The following PREP variants were observed in gnomAD, a reference collection of about 807,000 sequenced individuals.
PREP encodes the protein prolyl endopeptidase.
A neutral mutation model predicts 87.6 loss-of-function variants in PREP; 29 were observed. The ratio of observed to expected loss-of-function variants is 0.33; its 90% CI spans 0.25 to 0.45. PREP has a LOEUF of 0.45. Among genes scored for constraint, PREP ranks in the 20% least tolerant of loss-of-function variants. The pLI is 1.00. For synonymous variants in PREP, 337 were observed against 328.6 expected, an observed-to-expected ratio of 1.03 and a Z score of -0.28; for missense variants, 695 against 886.5, an observed-to-expected ratio of 0.78 and a Z score of 2.74.
At chr6:105,282,742 T>G (rs1176431047) in intron 12 of PREP, among the ~76,000 whole-genome samples, 160 bp from the exon 13 acceptor site, 3 of 152,248 alleles carry the variant, frequency 2.0e-5, no homozygotes, top group Non-Finnish European at 2.9e-5. Flanking sequence ...TAAGTTCTGT[T>G]ATGCACTGTG....
chr6:105,365,521 A>C (rs979752713), intron 6 of PREP, among the ~76,000 whole-genome samples: 2 of 152,178 alleles, frequency 1.3e-5, no homozygotes, highest in Admixed American at 1.3e-4. Flanking sequence ...GAGGCTTCTG[A>C]GGCGTCACAG....
chr6:105,327,878 C>T (rs949768806), intron 9 of PREP, among the ~76,000 whole-genome samples: 5 of 152,088 alleles, frequency 3.3e-5, no homozygotes, highest in South Asian at 2.1e-4. Flanking sequence ...ATGGCCATGA[C>T]GCTACAAAAA....
Position 105,285,561 on chromosome 6 carries a change from C to G in PREP, c.1474G>C (p.Val492Leu). Residue 492 changes from valine to leucine, a missense_variant, in exon 12 of 15, where the codon GTG (valine) becomes CTG (leucine). Around this residue, in one of 5 missense-constraint regions of PREP, gnomAD observed 517 missense variants for 620.3 expected, o/e 0.83. Coordinates refer to ENST00000652536, the MANE Select transcript of PREP (RefSeq NM_002726.5). ...GCCAGGATACCACCCATGTGTCTCACAAAAATAAGCCTGGAAACACTGAGA... is the reference window on the plus strand; with the variant it reads ...GCCAGGATACCACCCATGTGTCTCAGAAAAATAAGCCTGGAAACACTGAGA... ...PNYSVSRLIF[V>L]RHMGGILAVA... 1 of 1,614,010 alleles carries G rather than the reference C, an allele frequency of 6.2e-7. No homozygotes were observed. Among genetic ancestry groups the G allele is most frequent in the Non-Finnish European group, 8.5e-7 (1 of 1,179,930 alleles).
intron 2 of PREP, among the ~76,000 whole-genome samples, chr6:105,380,583 A>C (rs992037709): frequency 1.3e-5 from 2 of 152,158 alleles, no homozygotes; most frequent in African/African-American, 4.8e-5. Context: ...GGTCTCTAAA[A>C]GGGGCAGGAA....
intron 10 of PREP, among the ~76,000 whole-genome samples, chr6:105,307,035 G>A (rs567514687): frequency 6.6e-6 from 1 of 152,164 alleles, no homozygotes; most frequent in Non-Finnish European, 1.5e-5. Context: ...AAAGCTTTTA[G>A]ACAAGCTGAC....
intron 11 of PREP, among the ~76,000 whole-genome samples, chr6:105,288,130 A>C (rs1447412050): frequency 6.6e-6 from 1 of 152,190 alleles, no homozygotes; most frequent in Non-Finnish European, 1.5e-5. Flanking sequence ...GCAAATGACA[A>C]ACACTGAAGA....
chr6:105,402,413 T>G (rs1182604277), intron 1 of PREP, among the ~76,000 whole-genome samples: 1 of 140,660 alleles, frequency 7.1e-6, no homozygotes, highest in East Asian at 2.0e-4. Context: ...TTTTTAAATG[T>G]GACATCACAC....
At chr6:105,358,791 A>C (rs1452283867) in intron 6 of PREP, among the ~76,000 whole-genome samples, 2 of 152,156 alleles carry the variant, frequency 1.3e-5, no homozygotes, top group African/African-American at 2.4e-5. Context: ...GTCGTCAATG[A>C]AAGGGGGAAG....
intron 2 of PREP, among the ~76,000 whole-genome samples, chr6:105,391,373 C>T (rs2114730336): frequency 6.6e-6 from 1 of 152,246 alleles, no homozygotes; most frequent in East Asian, 1.9e-4. Flanking sequence ...TGGAATGAGA[C>T]TGTCTCAAAA....
At chr6:105,359,599 C>A (rs1175441531) in intron 6 of PREP, among the ~76,000 whole-genome samples, 1 of 152,112 alleles carries the variant, frequency 6.6e-6, no homozygotes, top group African/African-American at 2.4e-5. Context: ...TGCTGGGCTG[C>A]CCTCTAGGGC....
rs753499705 is a variant in PREP, at chr6:105,278,270, G to T, written c.2007C>A (p.Pro669=). 111 of 1,614,118 alleles carry T rather than the reference G, an allele frequency of 6.9e-5. No individual in the cohort carries two copies. Among genetic ancestry groups the T allele is most frequent in the Non-Finnish European group, 9.0e-5 (106 of 1,180,056 alleles). The change falls in exon 15 of 15, where the codon CCC becomes CCA. Residue 669 remains proline (P), a synonymous_variant. Transcript: ENST00000652536. This position sits in a 1 kb window ranked among gnomAD's most constrained non-coding sequence, Gnocchi z 4.2. ...IVGRSRKQSN[P]LLIHVDTKAG... ...CCTTGGTGTCCACGTGGATAAGCAG[G>T]GGGTTGCTTTGCTTCCTGCTGCGGC...
At position 105,326,036 on chromosome 6, in the gene PREP, C is replaced by T. The variant is rs182672676; in HGVS notation, c.1214-2268G>A. 1.4e-3 allele frequency among the ~76,000 whole-genome samples: 216 copies of T among 151,960 alleles called. 2 individuals carry two copies. Among genetic ancestry groups the T allele is most frequent in the African/African-American group, 4.7e-3 (193 of 41,404 alleles). On this transcript the variant is annotated intron_variant, in intron 9 of 14. Transcript: ENST00000652536. ...CTACCAAAACAAGAATCAGGGGATC[C>T]GAAAAGTCACGTATGTAAAAAGGCG...
intron 10 of PREP, among the ~76,000 whole-genome samples, chr6:105,316,240 T>C (rs1203510685): frequency 6.6e-6 from 1 of 152,206 alleles, no homozygotes; most frequent in African/African-American, 2.4e-5. Flanking sequence ...GAGGCCACTG[T>C]AGGGTTATTA....
intron 2 of PREP, among the ~76,000 whole-genome samples, chr6:105,394,359 C>A (rs919818391): frequency 6.6e-6 from 1 of 151,888 alleles, no homozygotes; most frequent in South Asian, 2.1e-4. Context: ...AGACCTGAAC[C>A]GAAATTTGGT....
chr6:105,284,898 C>T (rs371599268), intron 12 of PREP, among the ~76,000 whole-genome samples: 5 of 152,094 alleles, frequency 3.3e-5, no homozygotes, highest in African/African-American at 9.7e-5. Flanking sequence ...AGAATGGAGA[C>T]GGAATAAAAC....
intron 1 of PREP, among the ~76,000 whole-genome samples, chr6:105,402,568 A>G (rs1471979491): frequency 2.0e-5 from 3 of 151,522 alleles, no homozygotes; most frequent in African/African-American, 7.3e-5. Context: ...CACCCATTCT[A>G]CCCGGGCGTC....
chr6:105,346,479 T>C (rs377463809), intron 7 of PREP, among the ~76,000 whole-genome samples: 11 of 152,344 alleles, frequency 7.2e-5, no homozygotes, highest in Admixed American at 2.6e-4. Context: ...AATAAAAATA[T>C]GGTAGGTACT....
At chr6:105,355,851 T>A (rs1381037509) in intron 6 of PREP, among the ~76,000 whole-genome samples, 4 of 152,204 alleles carry the variant, frequency 2.6e-5, no homozygotes, top group Non-Finnish European at 2.9e-5. Context: ...GCATCTAAAC[T>A]GCTATAAACA....
intron 1 of PREP, among the ~76,000 whole-genome samples, chr6:105,400,100 A>G (rs1454117385): frequency 1.3e-5 from 2 of 152,184 alleles, no homozygotes; most frequent in Non-Finnish European, 2.9e-5. Flanking sequence ...CAGGAGCCAC[A>G]ACTTTCCACC....
Sources: allele counts gnomAD v4.1 joint callset (sites outside exome capture counted in the v4.1 genomes callset), GRCh38; gene constraint gnomAD v4.1.1; regional missense constraint gnomAD v4.1.1; non-coding constraint Gnocchi (gnomAD v3.1); transcripts MANE v1.5; gene names NCBI Gene and HGNC (gene_info 2026-07-23, HGNC 2026-07-21).